The following RIT2 variants were observed in gnomAD, a reference collection of about 807,000 sequenced individuals.
RIT2 encodes the protein GTP-binding protein Rit2.
RIT2 carries 24 observed loss-of-function variants against 23.7 expected under a neutral mutation model. That is an observed-to-expected ratio of 1.01 (90% CI 0.73 to 1.43). The LOEUF is 1.43. Among genes scored for constraint, RIT2 ranks in the 40% most tolerant of loss-of-function variants. The pLI, the probability that RIT2 is intolerant of heterozygous loss-of-function variation, is 0.00. For synonymous variants in RIT2, 107 were observed against 91.1 expected (o/e 1.17, Z -0.99); for missense variants, 236 against 266.9 (o/e 0.88, Z 0.81).
At chr18:42,842,891 T>C (rs1906806049) in intron 4 of RIT2, among the ~76,000 whole-genome samples, 1 of 152,126 alleles carries the variant, frequency 6.6e-6, no homozygotes, top group Non-Finnish European at 1.5e-5. Context: ...AATTAGAAAA[T>C]AATCTCTTCC....
intron 4 of RIT2, among the ~76,000 whole-genome samples, chr18:42,854,515 TG>T (rs1907134172): frequency 6.6e-6 from 1 of 152,156 alleles, no homozygotes; most frequent in Admixed American, 6.5e-5. Flanking sequence ...CAGAATGCTC[TG>T]TCATTAATTG....
chr18:42,803,318 A>C (rs575636224), intron 4 of RIT2, among the ~76,000 whole-genome samples: 2 of 152,316 alleles, frequency 1.3e-5, no homozygotes, highest in Non-Finnish European at 2.9e-5. Context: ...TTAATACTAA[A>C]ATGAATTAAC....
At chr18:43,090,335 C>T (rs1353029103) in intron 1 of RIT2, among the ~76,000 whole-genome samples, 1 of 152,098 alleles carries the variant, frequency 6.6e-6, no homozygotes. Context: ...CATCTCACAC[C>T]ATTCAGAATG....
intron 1 of RIT2, among the ~76,000 whole-genome samples, chr18:43,050,578 C>T (rs1049489404): frequency 1.3e-5 from 2 of 152,028 alleles, no homozygotes; most frequent in African/African-American, 4.8e-5. Flanking sequence ...TCTTTTGTTA[C>T]AATGTTGGAT....
At chr18:42,889,956 A>T (rs962902096) in intron 4 of RIT2, among the ~76,000 whole-genome samples, 3 of 152,098 alleles carry the variant, frequency 2.0e-5, no homozygotes, top group Non-Finnish European at 4.4e-5. Context: ...CACAAAGGAC[A>T]TGCATTAAAG....
intron 2 of RIT2, among the ~76,000 whole-genome samples, chr18:42,977,079 C>T (rs1022886809): frequency 6.6e-6 from 1 of 151,990 alleles, no homozygotes; most frequent in East Asian, 1.9e-4. Context: ...ATTTTAGAAA[C>T]GTTGACTTTG....
At chr18:43,049,438 A>G (rs1912325229) in intron 1 of RIT2, among the ~76,000 whole-genome samples, 2 of 152,158 alleles carry the variant, frequency 1.3e-5, no homozygotes, top group Admixed American at 1.3e-4. Flanking sequence ...CATTTAATCA[A>G]CAAACAACTG....
intron 4 of RIT2, among the ~76,000 whole-genome samples, chr18:42,855,102 A>G (rs999928199): frequency 1.2e-4 from 19 of 152,236 alleles, no homozygotes; most frequent in Non-Finnish European, 2.6e-4. Flanking sequence ...ATTATATATT[A>G]TAAGTGTTCT....
At chr18:42,745,539 G>A (rs184980361) in intron 4 of RIT2, among the ~76,000 whole-genome samples, 316 of 152,182 alleles carry the variant, frequency 2.1e-3, no homozygotes, top group African/African-American at 6.8e-3. Flanking sequence ...TTAACCCTAT[G>A]AGATAAAACA....
chr18:43,102,980 G>A (rs748547864), intron 1 of RIT2, among the ~76,000 whole-genome samples: 3 of 152,058 alleles, frequency 2.0e-5, no homozygotes, highest in Non-Finnish European at 4.4e-5. Flanking sequence ...TATCTTAATT[G>A]TTTGTGACTA....
rs1322840242 is a variant in RIT2, at chr18:43,061,889, A to G, written c.104-28022T>C. ...AACCTGGAACTCGCTAAACTGAGGA[A>G]TGAAAAAGATGTAATGCTCCTGCCC... On this transcript the variant is annotated intron_variant, in intron 1 of 4. Transcript: ENST00000326695. Among the ~76,000 whole-genome samples, 3 of 152,074 alleles carry G rather than the reference A, an allele frequency of 2.0e-5. No individual in the cohort carries two copies. The East Asian group carries it at 5.8e-4, about 29-fold the overall frequency.
At chr18:42,917,222 C>T (rs1436121353) in intron 4 of RIT2, among the ~76,000 whole-genome samples, 2 of 152,068 alleles carry the variant, frequency 1.3e-5, no homozygotes, top group African/African-American at 4.8e-5. Context: ...ACACAGTAAT[C>T]ATCTGAGTAA....
At chr18:42,794,022 G>A (rs184710871) in intron 4 of RIT2, among the ~76,000 whole-genome samples, 351 of 151,206 alleles carry the variant, frequency 2.3e-3, no homozygotes, top group African/African-American at 7.6e-3. Context: ...TGAGACTGTC[G>A]TATACTTAAA....
chr18:43,027,357 C>A (rs904806342), intron 2 of RIT2, among the ~76,000 whole-genome samples: 19 of 152,012 alleles, frequency 1.2e-4, no homozygotes, highest in African/African-American at 4.3e-4. Flanking sequence ...AGTGCAAAGA[C>A]ACCATTTTAT....
chr18:43,058,503 T>C (rs1022799071), intron 1 of RIT2, among the ~76,000 whole-genome samples: 2 of 152,100 alleles, frequency 1.3e-5, no homozygotes, highest in East Asian at 1.9e-4. Flanking sequence ...ATTTGATACG[T>C]CCTTGTGTGT....
intron 4 of RIT2, among the ~76,000 whole-genome samples, chr18:42,778,000 T>C (rs1001741334): frequency 6.6e-6 from 1 of 152,230 alleles, no homozygotes; most frequent in Non-Finnish European, 1.5e-5. Context: ...TGATCCTCTT[T>C]GCATATTGGT....
chr18:43,111,262 C>A (rs1349826287), intron 1 of RIT2, among the ~76,000 whole-genome samples: 3 of 151,950 alleles, frequency 2.0e-5, no homozygotes, highest in South Asian at 4.2e-4. Context: ...CAATTTAATT[C>A]ATGGAGATAG....
At chr18:43,062,193 G>C (rs772200245) in intron 1 of RIT2, among the ~76,000 whole-genome samples, 1 of 152,054 alleles carries the variant, frequency 6.6e-6, no homozygotes, top group Non-Finnish European at 1.5e-5. Context: ...CCACTATGCA[G>C]ATACTCAGGA....
At chr18:42,955,856 C>A (rs1289065357) in intron 3 of RIT2, among the ~76,000 whole-genome samples, 2 of 152,166 alleles carry the variant, frequency 1.3e-5, no homozygotes, top group Non-Finnish European at 2.9e-5. Flanking sequence ...TCTTTCCAAG[C>A]TCCTGGCAAC....
Sources: allele counts gnomAD v4.1 joint callset (sites outside exome capture counted in the v4.1 genomes callset), GRCh38; gene constraint gnomAD v4.1.1; transcripts MANE v1.5; gene names NCBI Gene and HGNC (gene_info 2026-07-23, HGNC 2026-07-21).